CAPN14: variants seen among roughly 807,000 people sequenced by gnomAD.
The protein encoded by CAPN14 is calpain 14.
In CAPN14, 94 loss-of-function variants were observed where a neutral mutation model predicts 101.3. That is an observed-to-expected ratio of 0.93 (90% confidence interval 0.79 to 1.10). The LOEUF (loss-of-function observed/expected upper bound fraction) is 1.10. Ranked by LOEUF, CAPN14 falls within the 50% of genes least tolerant of loss-of-function variation. The probability of loss-of-function intolerance (pLI) is 0.00; values close to 1 mark genes in which losing one functional copy is unlikely to be tolerated. For missense variants in CAPN14, 837 were observed against 828.4 expected (o/e 1.01, Z -0.13); for synonymous variants, 338 against 317.9 (o/e 1.06, Z -0.67).
In CAPN14 at chr2:31,193,159, T is replaced by C; in HGVS notation, c.1086A>G (p.Thr362=). The change falls in exon 10 of 22, where the codon ACA becomes ACG. Residue 362 remains threonine (T), a synonymous_variant. Coordinates refer to ENST00000403897, the MANE Select transcript of CAPN14 (RefSeq NM_001145122.2). ...MREGRWEKRS[T]AGGQRQLLQD... ...GCAGCAACTGCCTCTGGCCACCAGC[T>C]GTGCTCCGCTTCTCCCATCTCCCCT... 1 of 1,551,090 alleles carries C rather than the reference T, an allele frequency of 6.4e-7. No homozygotes were observed. Among genetic ancestry groups the C allele is most frequent in the Non-Finnish European group, 8.7e-7 (1 of 1,146,936 alleles).
chr2:31,203,208 G>T (rs567096409), intron 2 of CAPN14, 69 bp from the exon 3 acceptor site: 2 of 1,260,324 alleles, frequency 1.6e-6, no homozygotes, highest in Admixed American at 4.0e-5. Context: ...CAGTGACCAC[G>T]TTTTCCCATA....
At chr2:31,202,791 AT>A (rs1283951116) in intron 3 of CAPN14, among the ~76,000 whole-genome samples, 1 of 152,184 alleles carries the variant, frequency 6.6e-6, no homozygotes, top group Non-Finnish European at 1.5e-5. Context: ...GAGTGAGCAC[AT>A]TTTCCAAATT....
chr2:31,196,338 A>G (rs971322158), intron 8 of CAPN14, among the ~76,000 whole-genome samples: 4 of 152,228 alleles, frequency 2.6e-5, no homozygotes, highest in African/African-American at 9.6e-5. Flanking sequence ...AGAAACCGCC[A>G]CCAGCAACAA....
chr2:31,192,456 G>A (rs17010939), intron 10 of CAPN14, among the ~76,000 whole-genome samples: 16,980 of 152,152 alleles, frequency 0.11, 1,985 homozygotes, highest in African/African-American at 0.3. Flanking sequence ...TTTAATAGAC[G>A]CAAAACCTTA....
At chr2:31,177,325 C>G (rs568424419) in intron 19 of CAPN14, among the ~76,000 whole-genome samples, 183 bp from the exon 20 acceptor site, 5 of 134,684 alleles carry the variant, frequency 3.7e-5, no homozygotes, top group Non-Finnish European at 6.1e-5. Context: ...TATTTAATCC[C>G]TACTCTTCAC....
At chr2:31,191,430 G>GAAAAA in intron 11 of CAPN14, 23 bp from the exon 12 acceptor site, 10 of 1,277,926 alleles carry the variant, frequency 7.8e-6, no homozygotes, top group South Asian at 2.9e-5. Flanking sequence ...AACAAAAACA[G>GAAAAA]AAAAAAAAAA....
chr2:31,187,059 G>A (rs994644904), intron 15 of CAPN14, among the ~76,000 whole-genome samples: 1 of 152,182 alleles, frequency 6.6e-6, no homozygotes, highest in African/African-American at 2.4e-5. Flanking sequence ...GGCAAGGCAG[G>A]TAAATTGTGA....
intron 2 of CAPN14, among the ~76,000 whole-genome samples, chr2:31,224,040 G>A (rs1345553339): frequency 6.6e-6 from 1 of 152,166 alleles, no homozygotes; most frequent in African/African-American, 2.4e-5. Flanking sequence ...GATCCACGTT[G>A]AGTGTGTCAT....
chr2:31,187,217 C>G (rs970829031), intron 15 of CAPN14, among the ~76,000 whole-genome samples: 1 of 152,134 alleles, frequency 6.6e-6, no homozygotes, highest in Non-Finnish European at 1.5e-5. Flanking sequence ...TCCAGAGCCC[C>G]GCACTCACAC....
intron 2 of CAPN14, 23 bp from the exon 3 acceptor site, chr2:31,203,162 T>G: frequency 1.3e-6 from 2 of 1,548,766 alleles, no homozygotes; most frequent in African/African-American, 1.4e-5. Context: ...AACAGAATTG[T>G]CATTCTGACC....
intron 1 of CAPN14, among the ~76,000 whole-genome samples, chr2:31,215,303 G>C (rs929499434): frequency 6.6e-6 from 1 of 150,998 alleles, no homozygotes; most frequent in Admixed American, 6.6e-5. Context: ...TGCATCTTCA[G>C]AGAGTCATGG....
rs974217823 is a variant in CAPN14, at chr2:31,206,025, TTTTTATTTATTTA to T, written c.-52-539_-52-527del. Among the ~76,000 whole-genome samples the T allele has an allele frequency of 8.4e-5, 11 of 131,526 alleles. 1 individual carries two copies. The highest frequency in any genetic ancestry group is 1.6e-4 in the Admixed American group (2 of 12,540). 86.3% of individuals were successfully genotyped at this position (131,526 alleles called of 152,430 possible). A position where few individuals can be genotyped will look rare whatever the true frequency, so the allele number is the denominator to read the frequency against. ...ACCTCCTCCTACATTATCTTTATTT[TTTTTATTTATTTA>T]TTTTTTTTTTTTGAGACAGAGTCTC... On this transcript the variant is annotated intron_variant, in intron 1 of 21. Coordinates refer to ENST00000403897, the MANE Select transcript of CAPN14 (RefSeq NM_001145122.2).
intron 17 of CAPN14, 44 bp from the exon 18 acceptor site, chr2:31,178,623 C>A (rs1413841879): frequency 7.4e-7 from 1 of 1,352,322 alleles, no homozygotes; most frequent in Admixed American, 2.7e-5. Flanking sequence ...AGAGTTCTAT[C>A]CATGCTTTGG....
At chr2:31,216,632 G>A (rs763675211) in intron 1 of CAPN14, among the ~76,000 whole-genome samples, 1 of 152,082 alleles carries the variant, frequency 6.6e-6, no homozygotes, top group Non-Finnish European at 1.5e-5. Context: ...CACCCTATCA[G>A]GCCTGGAAGA....
chr2:31,195,475 T>A, intron 8 of CAPN14, among the ~76,000 whole-genome samples: 1 of 152,180 alleles, frequency 6.6e-6, no homozygotes, highest in Non-Finnish European at 1.5e-5. Context: ...CAGCTGGGAT[T>A]ACAGGCACAT....
intron 1 of CAPN14, among the ~76,000 whole-genome samples, chr2:31,206,021 A>AT (rs200116287): frequency 0.031 from 3,395 of 108,290 alleles, 379 homozygotes; most frequent in Non-Finnish European, 0.047. Context: ...CATTATCTTT[A>AT]TTTTTTTTAT....
At chr2:31,183,813 TCCC>T (rs1176328844) in intron 16 of CAPN14, among the ~76,000 whole-genome samples, 5 of 151,050 alleles carry the variant, frequency 3.3e-5, no homozygotes, top group African/African-American at 1.2e-4. Flanking sequence ...CCTTCTTCCC[TCCC>T]TCTCTCCCTC....
intron 15 of CAPN14, among the ~76,000 whole-genome samples, chr2:31,187,435 C>A (rs990514414): frequency 1.3e-5 from 2 of 151,964 alleles, no homozygotes; most frequent in African/African-American, 2.4e-5. Context: ...CCCCCCACCC[C>A]CTGTCCCACT....
chr2:31,214,333 T>C (rs1377288498), intron 1 of CAPN14, among the ~76,000 whole-genome samples: 1 of 152,200 alleles, frequency 6.6e-6, no homozygotes, highest in East Asian at 1.9e-4. Flanking sequence ...GCTGCTCCTC[T>C]GGTGTCTGAT....
Sources: allele counts gnomAD v4.1 joint callset (sites outside exome capture counted in the v4.1 genomes callset), GRCh38; gene constraint gnomAD v4.1.1; transcripts MANE v1.5; gene names NCBI Gene and HGNC (gene_info 2026-07-23, HGNC 2026-07-21).